Variants in ELMO1 observed in about 807,000 individuals in gnomAD.
The protein encoded by ELMO1 is engulfment and cell motility 1.
A neutral mutation model predicts 98.9 loss-of-function variants in ELMO1; 26 were observed. The observed-to-expected ratio is 0.26, with a 90% CI of 0.19 to 0.36. The LOEUF (loss-of-function observed/expected upper bound fraction) is 0.36. Among genes scored for constraint, ELMO1 ranks in the 10% least tolerant of loss-of-function variants. ELMO1 has a pLI of 1.00. For missense variants in ELMO1, 627 were observed against 935.2 expected, an observed-to-expected ratio of 0.67 and a Z score of 4.30; for synonymous variants, 346 against 346.0, an observed-to-expected ratio of 1.00 and a Z score of 0.00.
chr7:37,156,265 C>T (rs1227985001), intron 13 of ELMO1, among the ~76,000 whole-genome samples: 1 of 151,760 alleles, frequency 6.6e-6, no homozygotes, highest in African/African-American at 2.4e-5. Flanking sequence ...ATTAAAAGAA[C>T]TAGAGAAAAG....
At chr7:37,225,084 G>A (rs1235236297) in intron 8 of ELMO1, 54 bp from the exon 9 acceptor site, 7 of 1,600,192 alleles carry the variant, frequency 4.4e-6, no homozygotes, top group East Asian at 2.2e-5. Flanking sequence ...GAGCAGAGAC[G>A]TGGAGAAGGG....
chr7:37,021,849 GA>G (rs1178579838), intron 15 of ELMO1, among the ~76,000 whole-genome samples: 15 of 152,074 alleles, frequency 9.9e-5, no homozygotes, highest in Admixed American at 9.8e-4. Flanking sequence ...GCCAAATTTG[GA>G]AAACTTTTGG....
At chr7:37,007,008 T>C (rs1793181203) in intron 16 of ELMO1, among the ~76,000 whole-genome samples, 1 of 151,492 alleles carries the variant, frequency 6.6e-6, no homozygotes. Context: ...TAGGTAACAC[T>C]ATCTTACATG....
At chr7:37,296,211 T>C (rs1306700944) in intron 4 of ELMO1, among the ~76,000 whole-genome samples, 1 of 152,152 alleles carries the variant, frequency 6.6e-6, no homozygotes, top group Non-Finnish European at 1.5e-5. Context: ...CTCTTCCACA[T>C]TCACTCAGGT....
In ELMO1 at chr7:37,354,127, C is replaced by A. The variant is rs982511560; in HGVS notation, c.-73-11364G>T. On this transcript the variant is annotated intron_variant, in intron 1 of 21. Coordinates refer to ENST00000310758, the MANE Select transcript of ELMO1 (RefSeq NM_014800.11). ...ACCAGAGCACTTTTCCACACCTTAT[C>A]CTATTTGTTTATATGAGTTCTCTGA... 7.2e-5 allele frequency among the ~76,000 whole-genome samples: 11 copies of A among 152,320 alleles called. No individual in the cohort carries two copies. The East Asian group carries it at 2.1e-3, about 29-fold the overall frequency.
intron 13 of ELMO1, among the ~76,000 whole-genome samples, chr7:37,153,116 G>A (rs561084961): frequency 7.9e-5 from 12 of 152,258 alleles, no homozygotes; most frequent in Admixed American, 5.9e-4. Flanking sequence ...TAGGCACTTC[G>A]GGAATTATAT....
chr7:36,932,220 T>G (rs986083390), intron 16 of ELMO1, among the ~76,000 whole-genome samples: 1 of 152,202 alleles, frequency 6.6e-6, no homozygotes, highest in African/African-American at 2.4e-5. Context: ...ATGGCTCAGT[T>G]TCCTTCATAA....
chr7:37,377,887 T>C (rs950659226), intron 1 of ELMO1, among the ~76,000 whole-genome samples: 1 of 152,174 alleles, frequency 6.6e-6, no homozygotes, highest in Non-Finnish European at 1.5e-5. Flanking sequence ...ACTACTCTTA[T>C]TTGTTAAATT....
At chr7:37,111,401 A>G (rs766090967) in intron 14 of ELMO1, among the ~76,000 whole-genome samples, 31 of 152,250 alleles carry the variant, frequency 2.0e-4, no homozygotes, top group Non-Finnish European at 3.8e-4. Context: ...CTGCTGCATC[A>G]CTTTCAAAAG....
intron 1 of ELMO1, among the ~76,000 whole-genome samples, chr7:37,357,162 G>A (rs965733506): frequency 2.0e-5 from 3 of 152,136 alleles, no homozygotes; most frequent in African/African-American, 7.2e-5. Context: ...ATAGTTATGG[G>A]GCTTTGGGTC....
At chr7:37,383,977 G>A (rs1182942888) in intron 1 of ELMO1, among the ~76,000 whole-genome samples, 4 of 152,046 alleles carry the variant, frequency 2.6e-5, no homozygotes, top group Admixed American at 6.5e-5. Context: ...CACCGCGCCC[G>A]GCTAATTTTT....
chr7:36,914,753 C>A (rs916057355), intron 16 of ELMO1, among the ~76,000 whole-genome samples: 1 of 152,098 alleles, frequency 6.6e-6, no homozygotes, highest in Non-Finnish European at 1.5e-5. Context: ...ACCTCGTGAT[C>A]TGCCCGCCTC....
At chr7:37,195,159 T>C (rs1406738129) in intron 13 of ELMO1, among the ~76,000 whole-genome samples, 3 of 152,136 alleles carry the variant, frequency 2.0e-5, no homozygotes, top group African/African-American at 7.2e-5. Flanking sequence ...AGTTCTGAAC[T>C]GAGAATTGTA....
At chr7:37,009,953 C>T (rs1434784072) in intron 16 of ELMO1, among the ~76,000 whole-genome samples, 3 of 152,218 alleles carry the variant, frequency 2.0e-5, no homozygotes, top group Non-Finnish European at 4.4e-5. Context: ...ACTTTCAGCT[C>T]TTCTCTCTTC....
chr7:37,274,913 G>C (rs1054618228), intron 4 of ELMO1, among the ~76,000 whole-genome samples: 1 of 152,134 alleles, frequency 6.6e-6, no homozygotes, highest in Non-Finnish European at 1.5e-5. Flanking sequence ...CCTAACAAAA[G>C]CAATAAACTA....
At chr7:37,223,671 G>A (rs1793717560) in intron 9 of ELMO1, among the ~76,000 whole-genome samples, 1 of 152,096 alleles carries the variant, frequency 6.6e-6, no homozygotes. Context: ...ACATTCAAAG[G>A]AAATGTGAAA....
intron 15 of ELMO1, among the ~76,000 whole-genome samples, chr7:37,061,948 C>T (rs1796688530): frequency 6.6e-6 from 1 of 152,132 alleles, no homozygotes; most frequent in Non-Finnish European, 1.5e-5. Flanking sequence ...AAAGGCAACT[C>T]GTGACTTTGG....
chr7:37,069,016 T>C (rs1160558097), intron 15 of ELMO1, among the ~76,000 whole-genome samples: 1 of 152,240 alleles, frequency 6.6e-6, no homozygotes, highest in African/African-American at 2.4e-5. Context: ...TGTCTCCAAA[T>C]GCCTCATCTC....
At chr7:37,015,730 T>C (rs1457384824) in intron 15 of ELMO1, among the ~76,000 whole-genome samples, 1 of 152,216 alleles carries the variant, frequency 6.6e-6, no homozygotes, top group Non-Finnish European at 1.5e-5. Context: ...AACACCGATA[T>C]GGAGGGAAGT....
Sources: allele counts gnomAD v4.1 joint callset (sites outside exome capture counted in the v4.1 genomes callset), GRCh38; gene constraint gnomAD v4.1.1; transcripts MANE v1.5; gene names NCBI Gene and HGNC (gene_info 2026-07-23, HGNC 2026-07-21).